Variants in ARHGEF28 observed in about 807,000 individuals in gnomAD.
ARHGEF28 encodes Rho guanine nucleotide exchange factor 28.
ARHGEF28 carries 152 observed loss-of-function variants against 206.6 expected under a neutral mutation model. The ratio of observed to expected loss-of-function variants is 0.74; its 90% CI spans 0.64 to 0.84. ARHGEF28 has a LOEUF of 0.84. Among genes scored for constraint, ARHGEF28 ranks in the 40% least tolerant of loss-of-function variants. The probability of loss-of-function intolerance (pLI) is 0.00; values close to 1 mark genes in which losing one functional copy is unlikely to be tolerated. For missense variants in ARHGEF28, 2,028 were observed against 2,073.2 expected (o/e 0.98, Z 0.42); for synonymous variants, 763 against 776.4 (o/e 0.98, Z 0.29).
chr5:73,839,021 C>T (rs1015594611), intron 10 of ARHGEF28, among the ~76,000 whole-genome samples: 10 of 152,018 alleles, frequency 6.6e-5, no homozygotes, highest in African/African-American at 2.2e-4. Flanking sequence ...TATTTTTGTT[C>T]TTGTGTTTTG....
At chr5:73,879,360 T>C (rs1305021864) in intron 22 of ARHGEF28, among the ~76,000 whole-genome samples, 1 of 152,190 alleles carries the variant, frequency 6.6e-6, no homozygotes, top group Non-Finnish European at 1.5e-5. Context: ...CTTCTTTGCC[T>C]TTGGTTTGAA....
At chr5:73,799,623 T>C (rs1420595489) in intron 9 of ARHGEF28, among the ~76,000 whole-genome samples, 1 of 152,206 alleles carries the variant, frequency 6.6e-6, no homozygotes, top group Non-Finnish European at 1.5e-5. Flanking sequence ...CCTGCAATAA[T>C]ATATCACTCA....
chr5:73,644,776 C>T (rs1344415032), intron 1 of ARHGEF28, among the ~76,000 whole-genome samples: 1 of 152,114 alleles, frequency 6.6e-6, no homozygotes, highest in African/African-American at 2.4e-5. Context: ...ATTACAAATC[C>T]CTGGGCACTG....
chr5:73,789,664 T>TC (rs1305851299), intron 7 of ARHGEF28, among the ~76,000 whole-genome samples: 10 of 152,176 alleles, frequency 6.6e-5, no homozygotes, highest in African/African-American at 2.4e-4. Flanking sequence ...TAGTTTTTTT[T>TC]CCAAGTTTTT....
intron 2 of ARHGEF28, among the ~76,000 whole-genome samples, chr5:73,712,642 A>G (rs1032091683): frequency 1.3e-5 from 2 of 152,226 alleles, no homozygotes; most frequent in Non-Finnish European, 2.9e-5. Context: ...GTGAGGAGAA[A>G]TGAAAAATAA....
At chr5:73,836,381 A>G (rs1399624207) in intron 10 of ARHGEF28, among the ~76,000 whole-genome samples, 1 of 137,744 alleles carries the variant, frequency 7.3e-6, no homozygotes, top group Admixed American at 7.7e-5. Flanking sequence ...AGTTTTGTTC[A>G]TTTTTCTGAT....
chr5:73,883,971 T>C (rs1374469494), intron 24 of ARHGEF28, 87 bp downstream of exon 24: 4 of 667,748 alleles, frequency 6.0e-6, no homozygotes, highest in Non-Finnish European at 9.2e-6. Context: ...TCAGTGTTTG[T>C]GGTCTCTGAT....
At chr5:73,658,370 G>A (rs951283843) in intron 1 of ARHGEF28, among the ~76,000 whole-genome samples, 5 of 152,154 alleles carry the variant, frequency 3.3e-5, no homozygotes, top group African/African-American at 1.2e-4. Flanking sequence ...CAAGCACAGG[G>A]TAGAAGGGGA....
intron 2 of ARHGEF28, among the ~76,000 whole-genome samples, chr5:73,703,386 C>T (rs1748713641): frequency 6.6e-6 from 1 of 152,140 alleles, no homozygotes; most frequent in Non-Finnish European, 1.5e-5. Flanking sequence ...TAGAATTTGG[C>T]TCCTTTTGGG....
intron 2 of ARHGEF28, among the ~76,000 whole-genome samples, chr5:73,726,594 A>T (rs1750289023): frequency 6.6e-6 from 1 of 152,238 alleles, no homozygotes; most frequent in African/African-American, 2.4e-5. Flanking sequence ...GAACTTACTA[A>T]GCACAGTGTA....
intron 9 of ARHGEF28, among the ~76,000 whole-genome samples, chr5:73,822,824 G>T (rs1237739622): frequency 6.6e-6 from 1 of 152,124 alleles, no homozygotes; most frequent in Non-Finnish European, 1.5e-5. Context: ...ACAAGGTCTT[G>T]CTGTGTTGTC....
At chr5:73,851,584 A>G (rs1758708466) in intron 13 of ARHGEF28, among the ~76,000 whole-genome samples, 1 of 152,216 alleles carries the variant, frequency 6.6e-6, no homozygotes. Flanking sequence ...AAAGGGGTTC[A>G]GCATTTAAGA....
intron 29 of ARHGEF28, 114 bp downstream of exon 29, chr5:73,894,689 G>A (rs1010786603): frequency 2.6e-5 from 32 of 1,249,544 alleles, no homozygotes; most frequent in Non-Finnish European, 3.3e-5. Context: ...AACAAGACAA[G>A]GTCCTTACTC....
At chr5:73,842,058 A>G (rs1181859226) in intron 11 of ARHGEF28, among the ~76,000 whole-genome samples, 1 of 152,194 alleles carries the variant, frequency 6.6e-6, no homozygotes, top group Non-Finnish European at 1.5e-5. Context: ...GTGTGTGCAC[A>G]CATGTGTGTC....
chr5:73,682,181 G>A (rs1747150870), intron 1 of ARHGEF28, among the ~76,000 whole-genome samples: 2 of 152,132 alleles, frequency 1.3e-5, no homozygotes, highest in Admixed American at 1.3e-4. Context: ...ATAAAATTGA[G>A]GGCTGAGAAG....
At chr5:73,752,878 G>C (rs745570406) in intron 3 of ARHGEF28, 31 bp from the exon 4 acceptor site, 76 of 1,611,732 alleles carry the variant, frequency 4.7e-5, no homozygotes, top group Middle Eastern at 1.7e-4. Flanking sequence ...CTACAGACTT[G>C]GGGTGAACTG....
intron 1 of ARHGEF28, among the ~76,000 whole-genome samples, chr5:73,643,274 T>C (rs1744233071): frequency 6.6e-6 from 1 of 152,226 alleles, no homozygotes; most frequent in Admixed American, 6.5e-5. Context: ...ATGAGAGCTG[T>C]GAGTTATAAT....
chr5:73,841,628 C>G (rs1211392538), intron 11 of ARHGEF28, among the ~76,000 whole-genome samples: 2 of 150,794 alleles, frequency 1.3e-5, no homozygotes, highest in Non-Finnish European at 2.9e-5. Flanking sequence ...TCGCTTGAAC[C>G]TGGGAGGCAG....
chr5:73,921,065 A>G (rs996210729), intron 35 of ARHGEF28, among the ~76,000 whole-genome samples: 4 of 152,140 alleles, frequency 2.6e-5, no homozygotes, highest in African/African-American at 9.7e-5. Flanking sequence ...GCTAAATCCT[A>G]CTTAACAGTT....
Sources: gnomAD v4.1 joint callset for allele counts (sites outside exome capture counted in the v4.1 genomes callset) on GRCh38, gnomAD v4.1.1 for gene constraint, MANE v1.5 for transcripts, NCBI Gene and HGNC (gene_info 2026-07-23, HGNC 2026-07-21) for gene names.